PRKCZ: variants seen among roughly 807,000 people sequenced by gnomAD.
PRKCZ encodes the protein protein kinase C zeta, also known as protein kinase C zeta type.
A neutral mutation model predicts 79.5 loss-of-function variants in PRKCZ; 33 were observed. That is an observed-to-expected ratio of 0.41 (90% CI 0.31 to 0.55). The LOEUF (loss-of-function observed/expected upper bound fraction) is 0.55, where lower values mean the gene tolerates loss of function less well. Among genes scored for constraint, PRKCZ ranks in the 20% least tolerant of loss-of-function variants. The probability of loss-of-function intolerance (pLI) is 0.19; values close to 1 mark genes in which losing one functional copy is unlikely to be tolerated. For missense variants in PRKCZ, 578 were observed against 813.5 expected (o/e 0.71, Z 3.52); for synonymous variants, 342 against 320.9 (o/e 1.07, Z -0.70).
intron 16 of PRKCZ, among the ~76,000 whole-genome samples, chr1:2,179,021 C>G (rs114522895): frequency 4.5e-4 from 68 of 152,324 alleles, no homozygotes; most frequent in African/African-American, 1.6e-3. Flanking sequence ...GGCACCGGGT[C>G]CCCAACACTG....
Position 2,174,535 on chromosome 1 carries a change from A to G in PRKCZ, c.1406-219A>G, listed in dbSNP as rs940588008. 6.6e-6 allele frequency among the ~76,000 whole-genome samples: 1 copy of G among 152,218 alleles called. No homozygotes were observed. The highest frequency in any genetic ancestry group is 1.5e-5 in the Non-Finnish European group (1 of 68,034). On this transcript the variant is annotated intron_variant, in intron 14 of 17. Transcript: ENST00000378567. This position sits in a 1 kb window ranked among gnomAD's most constrained non-coding sequence, Gnocchi z 6.2. ...GCTGAGGAAGGGGAGCTGCTGGTTC[A>G]CGTCCGATCCTACGACACGTGCCAG...
Position 2,092,066 on chromosome 1 carries a change from G to A in PRKCZ, c.334+32475G>A, listed in dbSNP as rs114545558. On this transcript the variant is annotated intron_variant, in intron 4 of 17. Transcript: ENST00000378567. ...GACGAATCTGTCCTTGCTGCCACCT[G>A]TGCGGCCGCAGAGTGAGACAGGAGG... Among the ~76,000 whole-genome samples, 1,404 of 152,228 alleles carry A rather than the reference G, an allele frequency of 9.2e-3. 29 individuals are homozygous for A. Among genetic ancestry groups the A allele is most frequent in the African/African-American group, 0.03 (1,264 of 41,540 alleles).
At position 2,174,453 on chromosome 1, in the gene PRKCZ, C is replaced by T. The variant is rs368770050; in HGVS notation, c.1406-301C>T. ...GTGGGATCTGGGAACGCGGCTGTCT[C>T]CGCGGTGCCCTCTGGTGGCCAGCCT... On this transcript the variant is annotated intron_variant, in intron 14 of 17. Transcript: ENST00000378567. The surrounding 1 kb of genome is among the most constrained non-coding windows in gnomAD (Gnocchi z 6.2). Among the ~76,000 whole-genome samples the T allele has an allele frequency of 3.3e-4, 50 of 152,376 alleles. No homozygotes were observed. The highest frequency in any genetic ancestry group is 6.8e-3 in the Middle Eastern group (2 of 294).
chr1:2,099,438 C>T (rs1442516451), intron 4 of PRKCZ, among the ~76,000 whole-genome samples: 1 of 143,794 alleles, frequency 7.0e-6, no homozygotes, highest in Non-Finnish European at 1.5e-5. Context: ...CTGTGCAGAC[C>T]AATGATTGAC....
chr1:2,148,972 G>A, intron 8 of PRKCZ, 48 bp downstream of exon 8: 1 of 1,581,182 alleles, frequency 6.3e-7, no homozygotes, highest in Non-Finnish European at 8.7e-7. Context: ...CCTCTGGAAA[G>A]TCTGTGAGCC....
chr1:2,062,273 G>T (rs1279831573), intron 4 of PRKCZ, among the ~76,000 whole-genome samples: 3 of 151,940 alleles, frequency 2.0e-5, no homozygotes, highest in Non-Finnish European at 4.4e-5. Flanking sequence ...TTCTGCCCCA[G>T]CCCCACCTCC....
intron 8 of PRKCZ, among the ~76,000 whole-genome samples, chr1:2,150,026 G>A (rs931365833): frequency 2.4e-4 from 36 of 151,678 alleles, no homozygotes; most frequent in Admixed American, 1.7e-3. Context: ...GCTGGGCGTG[G>A]TGGCGGGCGC....
chr1:2,121,556 GGCTA>G (rs1557611901), intron 4 of PRKCZ, among the ~76,000 whole-genome samples: 1,731 of 54,708 alleles, frequency 0.032, 86 homozygotes, highest in Admixed American at 0.047. Flanking sequence ...CAGTAGTTAG[GGCTA>G]TGGCTGTAGT....
chr1:2,048,717 G>T (rs2102171029), upstream of PRKCZ, among the ~76,000 whole-genome samples: 1 of 152,254 alleles, frequency 6.6e-6, no homozygotes, highest in South Asian at 2.1e-4. Flanking sequence ...TCTGAGCTGG[G>T]GATGCAAAGC....
chr1:2,111,386 C>T (rs1409610068), intron 4 of PRKCZ, among the ~76,000 whole-genome samples: 1 of 151,790 alleles, frequency 6.6e-6, no homozygotes, highest in Non-Finnish European at 1.5e-5. Flanking sequence ...GGGGCTGAGC[C>T]TCCGAGAAGT....
At chr1:2,179,596 G>A (rs1009528799) in intron 16 of PRKCZ, among the ~76,000 whole-genome samples, 3 of 152,230 alleles carry the variant, frequency 2.0e-5, no homozygotes, top group Non-Finnish European at 4.4e-5. Flanking sequence ...CCACATGGCC[G>A]GGCGGTGCTG....
rs147986959 is a variant in PRKCZ at position 2,091,491 on chromosome 1, C to T, written c.334+31900C>T. On this transcript the variant is annotated intron_variant, in intron 4 of 17. Transcript: ENST00000378567. ...AGAACCTCCGCAGTCCCACCTGCAG[C>T]ACACAGGAGTTACGATGTCTCGCCG... Among the ~76,000 whole-genome samples, 1,076 of 152,328 alleles carry T rather than the reference C, an allele frequency of 7.1e-3. 15 individuals carry two copies. Among genetic ancestry groups the T allele is most frequent in the African/African-American group, 0.024 (1,008 of 41,582 alleles).
intron 4 of PRKCZ, among the ~76,000 whole-genome samples, chr1:2,112,678 G>T (rs1326642177): frequency 6.7e-5 from 2 of 29,646 alleles, no homozygotes; most frequent in African/African-American, 4.8e-4. Flanking sequence ...TTGTTTGTTT[G>T]GTTGGTTGGT....
chr1:2,105,847 T>C (rs1416496106), intron 4 of PRKCZ, among the ~76,000 whole-genome samples: 7 of 152,084 alleles, frequency 4.6e-5, no homozygotes, highest in African/African-American at 1.4e-4. Flanking sequence ...TTCAGACACA[T>C]AGTTGTCATC....
At chr1:2,179,888 C>T (rs976268378) in intron 16 of PRKCZ, among the ~76,000 whole-genome samples, 12 of 152,034 alleles carry the variant, frequency 7.9e-5, no homozygotes, top group Non-Finnish European at 1.5e-4. Flanking sequence ...CGCAAGGAGC[C>T]GGCGGCAGGG....
rs1047200726 is a variant in PRKCZ at position 2,178,000 on chromosome 1, G to C, written c.1575+2687G>C. Among the ~76,000 whole-genome samples the C allele has an allele frequency of 1.3e-5, 2 of 152,348 alleles. No homozygotes were observed. The highest frequency in any genetic ancestry group is 3.4e-3 in the Middle Eastern group (1 of 294). On this transcript the variant is annotated intron_variant, in intron 16 of 17. Coordinates refer to ENST00000378567, the MANE Select transcript of PRKCZ (RefSeq NM_002744.6). This position sits in a 1 kb window ranked among gnomAD's most constrained non-coding sequence, Gnocchi z 6.4. ...GAGGCTTTTAGGAAGAAGTGTGGCT[G>C]TTTTGGCCAGATTGCTTTAGCTGTC...
intron 11 of PRKCZ, among the ~76,000 whole-genome samples, chr1:2,170,392 T>G (rs1391195957): frequency 6.6e-6 from 1 of 152,224 alleles, no homozygotes; most frequent in Non-Finnish European, 1.5e-5. Flanking sequence ...GAACGTTGCA[T>G]GCAGTTTTGT....
intron 4 of PRKCZ, among the ~76,000 whole-genome samples, chr1:2,083,360 T>G (rs1434285300): frequency 6.6e-6 from 1 of 152,124 alleles, no homozygotes; most frequent in African/African-American, 2.4e-5. Context: ...ATTACTGTGG[T>G]CCTCAAAGAG....
intron 16 of PRKCZ, among the ~76,000 whole-genome samples, chr1:2,176,286 G>A (rs540539074): frequency 2.7e-4 from 41 of 152,278 alleles, no homozygotes; most frequent in African/African-American, 9.9e-4. Flanking sequence ...GGGTTTTGCC[G>A]GACTGTAGGC....
Sources: allele counts gnomAD v4.1 joint callset (sites outside exome capture counted in the v4.1 genomes callset), GRCh38; gene constraint gnomAD v4.1.1; non-coding constraint Gnocchi (gnomAD v3.1); transcripts MANE v1.5; gene names NCBI Gene and HGNC (gene_info 2026-07-23, HGNC 2026-07-21).